MYRIP: variants seen among roughly 807,000 people sequenced by gnomAD.
MYRIP encodes the protein myosin VIIA and Rab interacting protein, also known as rab effector MyRIP.
Under a neutral mutation model 98.0 loss-of-function variants are expected in MYRIP, and 49 were observed. The observed-to-expected ratio is 0.50, with a 90% CI of 0.40 to 0.63. MYRIP has a LOEUF of 0.63. Among genes scored for constraint, MYRIP ranks in the 30% least tolerant of loss-of-function variants. The pLI is 0.00. For synonymous variants in MYRIP, 404 were observed against 409.5 expected, an observed-to-expected ratio of 0.99 and a Z score of 0.16; for missense variants, 1,004 against 1,058.2, an observed-to-expected ratio of 0.95 and a Z score of 0.71.
At chr3:39,854,669 C>A (rs1942233627) in intron 1 of MYRIP, among the ~76,000 whole-genome samples, 1 of 152,160 alleles carries the variant, frequency 6.6e-6, no homozygotes, top group Admixed American at 6.5e-5. Flanking sequence ...TGGTTTGGAT[C>A]CATTGCTTGG....
chr3:40,226,264 T>A (rs185669297), intron 11 of MYRIP, among the ~76,000 whole-genome samples: 121 of 152,312 alleles, frequency 7.9e-4, no homozygotes, highest in Non-Finnish European at 1.5e-3. Flanking sequence ...TAGTGAACCC[T>A]TCCTTCTCTC....
intron 11 of MYRIP, among the ~76,000 whole-genome samples, chr3:40,222,862 A>G (rs1230199363): frequency 6.6e-6 from 1 of 152,238 alleles, no homozygotes; most frequent in Non-Finnish European, 1.5e-5. Context: ...TTCCTACCAG[A>G]TCTATTCATA....
chr3:39,985,655 A>G (rs1371833146), intron 2 of MYRIP, among the ~76,000 whole-genome samples: 7 of 146,794 alleles, frequency 4.8e-5, no homozygotes, highest in African/African-American at 1.8e-4. Context: ...ATAACGCTGC[A>G]TATCTACAAC....
intron 16 of MYRIP, among the ~76,000 whole-genome samples, chr3:40,254,343 C>T (rs1393809017): frequency 6.6e-6 from 1 of 151,850 alleles, no homozygotes; most frequent in Non-Finnish European, 1.5e-5. Context: ...TTGTCTGGCT[C>T]AGTGAATCTG....
chr3:39,871,154 AC>A (rs1395214664), intron 1 of MYRIP, among the ~76,000 whole-genome samples: 5 of 152,278 alleles, frequency 3.3e-5, no homozygotes, highest in African/African-American at 9.6e-5. Context: ...AGAAGCAGAT[AC>A]CTTTGGGAGA....
intron 3 of MYRIP, among the ~76,000 whole-genome samples, chr3:40,102,922 C>T (rs547055640): frequency 1.4e-3 from 214 of 152,062 alleles, no homozygotes; most frequent in Non-Finnish European, 2.5e-3. Context: ...ACCCCTTCTA[C>T]GGGCCAAGCA....
At chr3:39,903,510 G>C (rs1160195149) in intron 2 of MYRIP, among the ~76,000 whole-genome samples, 1 of 152,176 alleles carries the variant, frequency 6.6e-6, no homozygotes, top group Non-Finnish European at 1.5e-5. Flanking sequence ...CTTCAGTTCA[G>C]ACGTTAAGTG....
intron 3 of MYRIP, among the ~76,000 whole-genome samples, chr3:40,123,751 A>G (rs1357577084): frequency 6.6e-6 from 1 of 152,166 alleles, no homozygotes; most frequent in Non-Finnish European, 1.5e-5. Flanking sequence ...ACCTGTAGCT[A>G]AGGGACCCTG....
chr3:39,900,649 G>A, intron 1 of MYRIP, 138 bp from the exon 2 acceptor site: 1 of 480,494 alleles, frequency 2.1e-6, no homozygotes, highest in Non-Finnish European at 3.6e-6. Flanking sequence ...TATTTGCTGA[G>A]TCTGAGTCAA....
chr3:40,047,391 A>G (rs1575493988), intron 3 of MYRIP, among the ~76,000 whole-genome samples: 1 of 152,196 alleles, frequency 6.6e-6, no homozygotes, highest in Non-Finnish European at 1.5e-5. Flanking sequence ...ATAGAAGGAT[A>G]CCTGGAAAGA....
chr3:39,979,267 T>C (rs1945825324), intron 2 of MYRIP, among the ~76,000 whole-genome samples: 1 of 152,166 alleles, frequency 6.6e-6, no homozygotes, highest in Admixed American at 6.6e-5. Context: ...TATATAGACA[T>C]GTGCCACTAT....
At chr3:39,889,084 C>T (rs1411515237) in intron 1 of MYRIP, among the ~76,000 whole-genome samples, 1 of 151,932 alleles carries the variant, frequency 6.6e-6, no homozygotes, top group Non-Finnish European at 1.5e-5. Context: ...GTTGGTGGGA[C>T]TGTAAACTAG....
chr3:39,853,376 G>A (rs1942196343), intron 1 of MYRIP, among the ~76,000 whole-genome samples: 1 of 152,136 alleles, frequency 6.6e-6, no homozygotes, highest in African/African-American at 2.4e-5. Context: ...CCCACCAGCA[G>A]GGTAAAAGTG....
intron 2 of MYRIP, among the ~76,000 whole-genome samples, chr3:40,009,351 C>T (rs757410638): frequency 7.9e-5 from 12 of 151,992 alleles, no homozygotes; most frequent in Admixed American, 3.3e-4. Flanking sequence ...ATTCTCCTAC[C>T]TCAGCCTCCC....
At chr3:40,073,889 G>A (rs1313573872) in intron 3 of MYRIP, among the ~76,000 whole-genome samples, 2 of 152,128 alleles carry the variant, frequency 1.3e-5, no homozygotes, top group Non-Finnish European at 2.9e-5. Context: ...TAACACTAAG[G>A]ACCTTTCAAT....
intron 3 of MYRIP, among the ~76,000 whole-genome samples, chr3:40,062,114 T>C (rs540587982): frequency 4.1e-4 from 62 of 152,372 alleles, no homozygotes; most frequent in Admixed American, 2.2e-3. Context: ...ATCCCATTTG[T>C]CAATTTTTGC....
At chr3:39,880,518 T>G (rs1271939313) in intron 1 of MYRIP, among the ~76,000 whole-genome samples, 2 of 152,236 alleles carry the variant, frequency 1.3e-5, no homozygotes, top group Non-Finnish European at 2.9e-5. Context: ...TTCTTTCCAG[T>G]GAAAACAATG....
At chr3:40,248,152 T>G (rs887378004) in intron 13 of MYRIP, 2 of 152,246 alleles carry the variant, frequency 1.3e-5, no homozygotes, top group African/African-American at 4.8e-5. Context: ...TTGGTAATAT[T>G]AGGACAGAGT....
intron 11 of MYRIP, among the ~76,000 whole-genome samples, chr3:40,233,227 A>T (rs890989365): frequency 1.3e-5 from 2 of 152,204 alleles, no homozygotes; most frequent in African/African-American, 4.8e-5. Flanking sequence ...GGGAAGTGGG[A>T]AAATTTATTA....
Sources: allele counts gnomAD v4.1 joint callset (sites outside exome capture counted in the v4.1 genomes callset), GRCh38; gene constraint gnomAD v4.1.1; transcripts MANE v1.5; gene names NCBI Gene and HGNC (gene_info 2026-07-23, HGNC 2026-07-21).